Variants in OSMR observed in about 807,000 individuals in gnomAD.
The protein encoded by OSMR is oncostatin-M-specific receptor subunit beta.
Under a neutral mutation model 99.9 loss-of-function variants are expected in OSMR, and 81 were observed. The ratio of observed to expected loss-of-function variants is 0.81; its 90% confidence interval spans 0.68 to 0.97. OSMR has a LOEUF of 0.97. Ranked by LOEUF, OSMR falls within the 50% of genes least tolerant of loss-of-function variation. OSMR has a pLI of 0.00. For synonymous variants in OSMR, 406 were observed against 410.4 expected (o/e 0.99, Z 0.13); for missense variants, 1,099 against 1,153.4 (o/e 0.95, Z 0.68).
intron 7 of OSMR, among the ~76,000 whole-genome samples, chr5:38,896,048 C>A (rs1056857350): frequency 6.6e-6 from 1 of 152,036 alleles, no homozygotes; most frequent in Non-Finnish European, 1.5e-5. Context: ...GTTTTGGTTA[C>A]TATAGCTCTA....
chr5:38,942,313 A>T (rs750381867), intron 1 of OSMR: 1 of 1,588,810 alleles, frequency 6.3e-7, no homozygotes, highest in Non-Finnish European at 8.6e-7. Flanking sequence ...GTCAGGATTC[A>T]GCAGATGTAT....
At chr5:38,904,061 C>A in intron 8 of OSMR, 37 bp downstream of exon 8, 1 of 1,610,786 alleles carries the variant, frequency 6.2e-7, no homozygotes, top group Non-Finnish European at 8.5e-7. Flanking sequence ...TTCAAAAATT[C>A]TTTTTTTGTC....
At chr5:38,939,576 T>A (rs1747312228), downstream of OSMR, 1 of 231,746 alleles carries the variant, frequency 4.3e-6, no homozygotes, top group Non-Finnish European at 8.5e-6. Context: ...ACTTAGTATG[T>A]GAGGCTGAAA....
At chr5:38,940,144 A>AAAAAAAAAAC (rs1747394446), downstream of OSMR, 7 of 140,886 alleles carry the variant, frequency 5.0e-5, no homozygotes, top group Non-Finnish European at 6.7e-5. Flanking sequence ...AAAAAAAAAC[A>AAAAAAAAAAC]AAAAAAAAAA....
At chr5:38,939,021 G>C (rs1353453731), downstream of OSMR, 1 of 232,896 alleles carries the variant, frequency 4.3e-6, no homozygotes. Flanking sequence ...TCCCAAAGTA[G>C]TTTACAAAGT....
Position 38,925,252 on chromosome 5 carries a change from C to T in OSMR, c.2093C>T (p.Ala698Val), listed in dbSNP as rs751275334. 52 of 1,613,728 alleles carry T rather than the reference C, an allele frequency of 3.2e-5. No homozygotes were observed. Among genetic ancestry groups the T allele is most frequent in the Non-Finnish European group, 4.2e-5 (49 of 1,179,838 alleles). ...KYKIDNPEEKALIVDNLKPES... is the reference protein window; with the variant it reads ...KYKIDNPEEKVLIVDNLKPES... ...AAAATTGACAACCCGGAAGAAAAGG[C>T]ATTGATTGTGGACAACCTAAAGCCA... The change falls in exon 15 of 18, where the codon GCA (alanine) becomes GTA (valine). Residue 698 changes from alanine (A) to valine (V), a missense_variant. Coordinates refer to ENST00000274276, the MANE Select transcript of OSMR (RefSeq NM_003999.3).
intron 9 of OSMR, among the ~76,000 whole-genome samples, chr5:38,907,257 GA>G (rs1745299182): frequency 6.6e-6 from 1 of 152,214 alleles, no homozygotes; most frequent in African/African-American, 2.4e-5. Flanking sequence ...AACTCCTGGG[GA>G]AGGGGTTGAA....
At chr5:38,909,686 T>G (rs1033710098) in intron 9 of OSMR, among the ~76,000 whole-genome samples, 16 of 152,178 alleles carry the variant, frequency 1.1e-4, no homozygotes, top group African/African-American at 3.9e-4. Flanking sequence ...GCTAACGGAA[T>G]TCACTACCAT....
intron 9 of OSMR, among the ~76,000 whole-genome samples, chr5:38,910,724 G>T (rs1745522092): frequency 6.6e-6 from 1 of 152,116 alleles, no homozygotes; most frequent in Non-Finnish European, 1.5e-5. Flanking sequence ...TAAGAGTAAA[G>T]TTTTGGCTGG....
At chr5:38,908,091 C>G (rs1213141267) in intron 9 of OSMR, among the ~76,000 whole-genome samples, 1 of 152,178 alleles carries the variant, frequency 6.6e-6, no homozygotes, top group Non-Finnish European at 1.5e-5. Context: ...ACCAGCAACT[C>G]TGCCCCTACC....
intron 11 of OSMR, chr5:38,921,401 G>A: frequency 1.3e-6 from 1 of 757,492 alleles, no homozygotes; most frequent in Non-Finnish European, 1.6e-6. Context: ...CAACATGATG[G>A]GCATCTGAAG....
intron 1 of OSMR, among the ~76,000 whole-genome samples, chr5:38,867,734 CTT>C (rs1051052445): frequency 2.0e-5 from 3 of 152,190 alleles, no homozygotes; most frequent in African/African-American, 7.2e-5. Context: ...AAAACTGTCT[CTT>C]GGGAGAATAT....
intron 2 of OSMR, among the ~76,000 whole-genome samples, chr5:38,873,566 T>G (rs957002947): frequency 3.9e-5 from 6 of 152,118 alleles, no homozygotes; most frequent in African/African-American, 1.4e-4. Context: ...GTCAAAACGT[T>G]TTCAACAAGG....
At chr5:38,887,655 C>G (rs1743875712) in intron 7 of OSMR, among the ~76,000 whole-genome samples, 1 of 152,056 alleles carries the variant, frequency 6.6e-6, no homozygotes, top group South Asian at 2.1e-4. Context: ...CAGAAATATC[C>G]TCACTATTCT....
intron 5 of OSMR, among the ~76,000 whole-genome samples, chr5:38,884,742 A>G (rs555320291): frequency 1.4e-4 from 21 of 152,198 alleles, no homozygotes; most frequent in African/African-American, 4.6e-4. Context: ...ACATTTTTTT[A>G]TATAGGTTTG....
chr5:38,872,357 A>C (rs1418473189), intron 2 of OSMR, among the ~76,000 whole-genome samples: 1 of 152,238 alleles, frequency 6.6e-6, no homozygotes, highest in Non-Finnish European at 1.5e-5. Flanking sequence ...TGACTCATGC[A>C]TTCAGCAACC....
intron 2 of OSMR, 40 bp downstream of exon 2, chr5:38,869,157 G>T: frequency 1.4e-6 from 2 of 1,405,634 alleles, no homozygotes; most frequent in South Asian, 1.2e-5. Context: ...AAATCACGTC[G>T]GGAACAAATG....
rs1435669450 is a variant in OSMR, at chr5:38,935,439, A to AGTATT, written c.*1998_*2002dup. 5.9e-5 allele frequency: 9 copies of AGTATT among 152,334 alleles called. No individual in the cohort carries two copies. In the East Asian group the frequency reaches 9.6e-4, roughly 16 times the overall value. 9.4% of individuals were successfully genotyped at this position (152,334 alleles called of 1,614,324 possible). On this transcript the variant is annotated 3_prime_UTR_variant, in exon 18 of 18. Transcript: ENST00000274276. ...AACAGTTGTGTTAGACTTTAGGGCCAGTATTGTCAGCATTTATTTATTTAT... is the reference window on the plus strand; with the variant it reads ...AACAGTTGTGTTAGACTTTAGGGCCAGTATTGTATTGTCAGCATTTATTTATTTAT...
chr5:38,933,184 C>G lies in OSMR; in HGVS notation c.2680C>G (p.Leu894Val), dbSNP rs1746855725. The change falls in exon 18 of 18, where the codon CTA becomes GTA. Residue 894 changes from leucine (L) to valine (V), a missense_variant. Physicochemically the swap from Leu to Val is conservative, Grantham distance 32 (BLOSUM62 1). Coordinates refer to ENST00000274276, the MANE Select transcript of OSMR (RefSeq NM_003999.3). ...ACTAATGACCTCACCTGAAAATGTA[C>G]TAAAGGCACTAGAAAAAAACTACAT... ...LGLMTSPENV[L>V]KALEKNYMNS... is the part of the protein sequence containing the mutation. The G allele has an allele frequency of 6.2e-6, 10 of 1,614,130 alleles. No homozygotes were observed. Among genetic ancestry groups the G allele is most frequent in the Non-Finnish European group, 7.6e-6 (9 of 1,180,002 alleles).
Sources: allele counts gnomAD v4.1 joint callset (sites outside exome capture counted in the v4.1 genomes callset), GRCh38; gene constraint gnomAD v4.1.1; transcripts MANE v1.5; gene names NCBI Gene and HGNC (gene_info 2026-07-23, HGNC 2026-07-21).